The following PFKFB4 variants were observed in gnomAD, a reference collection of about 807,000 sequenced individuals.
The protein encoded by PFKFB4 is 6-phosphofructo-2-kinase/fructose-2,6-bisphosphatase 4.
In PFKFB4, 42 loss-of-function variants were observed where a neutral mutation model predicts 62.8. That is an observed-to-expected ratio of 0.67 (90% CI 0.52 to 0.86). The LOEUF is 0.86. Ranked by LOEUF, PFKFB4 falls within the 40% of genes least tolerant of loss-of-function variation. The pLI, the probability that PFKFB4 is intolerant of heterozygous loss-of-function variation, is 0.00. For synonymous variants in PFKFB4, 204 were observed against 240.7 expected, an observed-to-expected ratio of 0.85 and a Z score of 1.41; for missense variants, 475 against 627.2, an observed-to-expected ratio of 0.76 and a Z score of 2.59.
intron 9 of PFKFB4, among the ~76,000 whole-genome samples, chr3:48,531,600 C>A (rs1353239946): frequency 1.3e-5 from 2 of 151,170 alleles, no homozygotes; most frequent in Non-Finnish European, 2.9e-5. Context: ...GGATTACAGG[C>A]ATGAGCCACC....
chr3:48,522,050 C>T lies in PFKFB4; in HGVS notation c.1286G>A (p.Gly429Asp). ...TVLKLTPVAY[G>D]CKVESIFLNV... ...CAGGAATATGGACTCCACTTTACAACCTGCCAAAGGGAAGATGCAAATCCA... is the reference window on the plus strand; with the variant it reads ...CAGGAATATGGACTCCACTTTACAATCTGCCAAAGGGAAGATGCAAATCCA... The change falls in exon 13 of 14, where the codon GGT (glycine) becomes GAT (aspartate). Residue 429 changes from glycine (G) to aspartate (D), a missense_variant and splice_region_variant. Coordinates refer to ENST00000232375, the MANE Select transcript of PFKFB4 (RefSeq NM_004567.4). 6.2e-7 allele frequency: 1 copy of T among 1,614,066 alleles called. No individual in the cohort carries two copies. The highest frequency in any genetic ancestry group is 8.5e-7 in the Non-Finnish European group (1 of 1,179,916).
rs546176604 is a variant in PFKFB4, at chr3:48,519,659, T to C, written c.*88A>G. ...GCTTCAAGAATATCCCTGCATGGCA[T>C]GGTGACTATCACACACACTGGAGGG... On this transcript the variant is annotated 3_prime_UTR_variant, in exon 14 of 14. Coordinates refer to ENST00000232375, the MANE Select transcript of PFKFB4 (RefSeq NM_004567.4). The C allele has an allele frequency of 3.0e-6, 3 of 987,554 alleles. No homozygotes were observed. In the East Asian group the frequency reaches 7.3e-5, roughly 24 times the overall value. 61.2% of individuals were successfully genotyped at this position (987,554 alleles called of 1,614,324 possible). A position where few individuals can be genotyped will look rare whatever the true frequency, so the allele number is the denominator to read the frequency against.
At chr3:48,526,488 GCATGTACC>G (rs2042263218) in intron 9 of PFKFB4, among the ~76,000 whole-genome samples, 1 of 144,740 alleles carries the variant, frequency 6.9e-6, no homozygotes, top group South Asian at 2.3e-4. Context: ...CAGGAGAATC[GCATGTACC>G]CAAGAGGTGG....
At position 48,556,760 on chromosome 3, in the gene PFKFB4, T is replaced by C. The variant is rs754898675; in HGVS notation, c.18A>G (p.Glu6=). Residue 6 remains glutamate (E), a synonymous_variant, in exon 1 of 14, where the codon GAA becomes GAG. Coordinates refer to ENST00000232375, the MANE Select transcript of PFKFB4 (RefSeq NM_004567.4). The surrounding 1 kb of genome is among the most constrained non-coding windows in gnomAD (Gnocchi z 5.7). MASPR[E]LTQNPLKKIW... The stretch of plus-strand genomic sequence containing the variant: ...TCTTCTTCAGGGGGTTCTGTGTCAA[T>C]TCCCGTGGGGACGCCATCCCGGGGC... The C allele has an allele frequency of 6.2e-7, 1 of 1,602,586 alleles. No individual in the cohort carries two copies. The highest frequency in any genetic ancestry group is 1.1e-5 in the South Asian group (1 of 90,318).
chr3:48,531,429 A>G (rs1279899220), intron 9 of PFKFB4, among the ~76,000 whole-genome samples: 2 of 148,614 alleles, frequency 1.3e-5, no homozygotes, highest in African/African-American at 4.9e-5. Flanking sequence ...CCCGGGAAGC[A>G]GAAATTTTTT....
In PFKFB4 at chr3:48,556,369, G is replaced by A; in HGVS notation, c.97+312C>T. Reference sequence around the variant, plus strand: ...ACAGGGTCCTCCCCAGACTGGGGGCGATGGGGATTGGAGAGGGAAGCGAGG... The same window carrying A: ...ACAGGGTCCTCCCCAGACTGGGGGCAATGGGGATTGGAGAGGGAAGCGAGG... On this transcript the variant is annotated intron_variant, in intron 1 of 13. Transcript: ENST00000232375. The surrounding 1 kb of genome is among the most constrained non-coding windows in gnomAD (Gnocchi z 5.7). 3.7e-6 allele frequency: 2 copies of A among 546,484 alleles called. No individual in the cohort carries two copies. The highest frequency in any genetic ancestry group is 6.9e-5 in the East Asian group (2 of 28,972). 33.9% of individuals were successfully genotyped at this position (546,484 alleles called of 1,614,324 possible). A position where few individuals can be genotyped will look rare whatever the true frequency, so the allele number is the denominator to read the frequency against.
chr3:48,530,819 G>A (rs1410188126), intron 9 of PFKFB4, among the ~76,000 whole-genome samples: 1 of 152,108 alleles, frequency 6.6e-6, no homozygotes, highest in Non-Finnish European at 1.5e-5. Context: ...CAATTCTCCT[G>A]CTTCAGCCTC....
chr3:48,523,626 C>T, intron 11 of PFKFB4, 27 bp from the exon 12 acceptor site: 4 of 1,614,036 alleles, frequency 2.5e-6, no homozygotes, highest in Non-Finnish European at 3.4e-6. Flanking sequence ...GGATGGCTAG[C>T]ACACCAGAAA....
intron 1 of PFKFB4, among the ~76,000 whole-genome samples, chr3:48,553,611 C>A (rs1427404552): frequency 6.6e-6 from 1 of 152,192 alleles, no homozygotes; most frequent in Non-Finnish European, 1.5e-5. Flanking sequence ...AGCGAAGGGG[C>A]CCAAGGGGCC....
chr3:48,553,402 A>G (rs1460563677), intron 1 of PFKFB4, among the ~76,000 whole-genome samples: 1 of 152,100 alleles, frequency 6.6e-6, no homozygotes, highest in Non-Finnish European at 1.5e-5. Context: ...TTAACACAGG[A>G]GGCAGAGGTT....
At chr3:48,531,430 GA>G (rs904495376) in intron 9 of PFKFB4, among the ~76,000 whole-genome samples, 5 of 148,212 alleles carry the variant, frequency 3.4e-5, no homozygotes, top group African/African-American at 1.2e-4. Context: ...CCGGGAAGCA[GA>G]AATTTTTTTT....
chr3:48,524,575 C>G (rs1342338064), intron 10 of PFKFB4, among the ~76,000 whole-genome samples: 1 of 152,210 alleles, frequency 6.6e-6, no homozygotes, highest in Non-Finnish European at 1.5e-5. Flanking sequence ...TCACTGTATT[C>G]TCATGTTTGA....
At chr3:48,539,655 A>T in intron 5 of PFKFB4, 42 bp downstream of exon 5, 1 of 1,513,790 alleles carries the variant, frequency 6.6e-7, no homozygotes, top group Non-Finnish European at 9.2e-7. Flanking sequence ...GGCAGGGGAC[A>T]TGCCACAGTT....
At chr3:48,535,394 G>A in intron 9 of PFKFB4, 118 bp downstream of exon 9, 3 of 916,714 alleles carry the variant, frequency 3.3e-6, no homozygotes, top group Non-Finnish European at 5.0e-6. Context: ...CTAGGTTCCT[G>A]TATCCTTTCT....
Position 48,519,719 on chromosome 3 carries a change from G to A in PFKFB4, c.*28C>T. ...ACCCCCTCTGCAGAGAGCAGTGCCT[G>A]CCTAGTGGTCACAGTGGATGAACAT... On this transcript the variant is annotated 3_prime_UTR_variant, in exon 14 of 14. Transcript: ENST00000232375. 1.3e-6 allele frequency: 2 copies of A among 1,576,574 alleles called. No individual in the cohort carries two copies. Among genetic ancestry groups the A allele is most frequent in the African/African-American group, 1.3e-5 (1 of 74,284 alleles).
Position 48,554,610 on chromosome 3 carries a change from T to C in PFKFB4, c.97+2071A>G, listed in dbSNP as rs1005746010. Among the ~76,000 whole-genome samples, 9 of 152,304 alleles carry C rather than the reference T, an allele frequency of 5.9e-5. No individual in the cohort carries two copies. The South Asian group carries it at 8.3e-4, about 14-fold the overall frequency. The stretch of plus-strand genomic sequence containing the variant: ...CCTCAGGAGCTATGAGACCTTCCCA[T>C]TGGGCCTCAGCTTCCTCTCACCTGT... On this transcript the variant is annotated intron_variant, in intron 1 of 13. Coordinates refer to ENST00000232375, the MANE Select transcript of PFKFB4 (RefSeq NM_004567.4).
At chr3:48,523,441 TA>T in intron 12 of PFKFB4, 95 bp downstream of exon 12, 1 of 1,243,884 alleles carries the variant, frequency 8.0e-7, no homozygotes, top group South Asian at 1.2e-5. Flanking sequence ...AATGGGCTCC[TA>T]ACACAATTTT....
upstream of PFKFB4, among the ~76,000 whole-genome samples, chr3:48,558,319 CA>C (rs1341315793): frequency 1.1e-4 from 16 of 152,310 alleles, no homozygotes; most frequent in Middle Eastern, 3.4e-3. Context: ...AACACGGCTT[CA>C]ACCTGAGCCA....
chr3:48,562,707 G>T, upstream of PFKFB4: 1 of 1,342,604 alleles, frequency 7.4e-7, no homozygotes, highest in Non-Finnish European at 1.0e-6. This position sits in a 1 kb window ranked among gnomAD's most constrained non-coding sequence, Gnocchi z 4.3. Context: ...AGATGTGGCA[G>T]CATCCGTCCA....
Sources: allele counts gnomAD v4.1 joint callset (sites outside exome capture counted in the v4.1 genomes callset), GRCh38; gene constraint gnomAD v4.1.1; non-coding constraint Gnocchi (gnomAD v3.1); transcripts MANE v1.5; gene names NCBI Gene and HGNC (gene_info 2026-07-23, HGNC 2026-07-21).